Variants in PTPRS observed in about 807,000 individuals in gnomAD.
PTPRS encodes protein tyrosine phosphatase receptor type S, also known as receptor-type tyrosine-protein phosphatase S.
PTPRS carries 63 observed loss-of-function variants against 215.3 expected under a neutral mutation model. The observed-to-expected ratio is 0.29, with a 90% CI of 0.24 to 0.36. PTPRS has a LOEUF of 0.36. Ranked by LOEUF, PTPRS falls within the 10% of genes least tolerant of loss-of-function variation. PTPRS has a pLI of 1.00. For missense variants in PTPRS, 2,258 were observed against 2,825.8 expected (o/e 0.80, Z 4.56); for synonymous variants, 1,404 against 1,191.4 (o/e 1.18, Z -3.68).
At position 5,287,773 on chromosome 19, in the gene PTPRS, A is replaced by T. The variant is rs763889288; in HGVS notation, c.-94-1539T>A. Reference sequence around the variant, plus strand: ...CGGGATTCGGGGGGCCTCAGTGTACATAGTTAGGCCACAGGCATACAGTCA... The same window carrying T: ...CGGGATTCGGGGGGCCTCAGTGTACTTAGTTAGGCCACAGGCATACAGTCA... On this transcript the variant is annotated intron_variant, in intron 1 of 37. Transcript: ENST00000262963. This position sits in a 1 kb window ranked among gnomAD's most constrained non-coding sequence, Gnocchi z 4.8. Among the ~76,000 whole-genome samples, 1 of 152,152 alleles carries T rather than the reference A, an allele frequency of 6.6e-6. No individual in the cohort carries two copies. The highest frequency in any genetic ancestry group is 1.5e-5 in the Non-Finnish European group (1 of 68,016).
At chr19:5,267,676 T>G (rs1174507739) in intron 4 of PTPRS, among the ~76,000 whole-genome samples, 2 of 143,352 alleles carry the variant, frequency 1.4e-5, no homozygotes, top group Non-Finnish European at 3.1e-5. Flanking sequence ...AAAAAGAGAT[T>G]AGGAAACAGC....
intron 1 of PTPRS, among the ~76,000 whole-genome samples, chr19:5,288,646 C>G (rs2048559673): frequency 6.6e-6 from 1 of 152,192 alleles, no homozygotes; most frequent in Non-Finnish European, 1.5e-5. Flanking sequence ...CCACTTTGAG[C>G]AGCTGGGCAG....
chr19:5,318,127 C>T (rs1600112008), intron 1 of PTPRS, among the ~76,000 whole-genome samples: 2 of 150,374 alleles, frequency 1.3e-5, no homozygotes, highest in Middle Eastern at 3.4e-3. Context: ...GCCGAGATCA[C>T]GCCACTGCAC....
At chr19:5,280,667 G>A (rs927752868) in intron 2 of PTPRS, among the ~76,000 whole-genome samples, 3 of 152,112 alleles carry the variant, frequency 2.0e-5, no homozygotes, top group African/African-American at 7.2e-5. Context: ...GGTGCAGTGG[G>A]CTGACATCCT....
rs1171456105 is a variant in PTPRS, at chr19:5,293,722, T to C, written c.-94-7488A>G. On this transcript the variant is annotated intron_variant, in intron 1 of 37. Transcript: ENST00000262963. This position sits in a 1 kb window ranked among gnomAD's most constrained non-coding sequence, Gnocchi z 8.4. ...GGTGATGGGGGCGGGGGGCGTCCCC[T>C]CTTCCCCCTCTTAGACCAGAGGGTA... Among the ~76,000 whole-genome samples, 1 of 152,018 alleles carries C rather than the reference T, an allele frequency of 6.6e-6. No individual in the cohort carries two copies. The highest frequency in any genetic ancestry group is 2.4e-5 in the African/African-American group (1 of 41,412).
chr19:5,226,660 G>A (rs1163312627), intron 16 of PTPRS, among the ~76,000 whole-genome samples: 1 of 152,044 alleles, frequency 6.6e-6, no homozygotes, highest in African/African-American at 2.4e-5. Flanking sequence ...GAGGCAGGAG[G>A]ATCACTTGAA....
Position 5,244,141 on chromosome 19 carries a change from T to C in PTPRS, c.1330A>G (p.Ile444Val), listed in dbSNP as rs773187155. 6.2e-7 allele frequency: 1 copy of C among 1,604,000 alleles called. No individual in the cohort carries two copies. The highest frequency in any genetic ancestry group is 1.3e-5 in the African/African-American group (1 of 74,768). The change falls in exon 11 of 38, where the codon ATT (isoleucine) becomes GTT (valine). Residue 444 changes from isoleucine (I) to valine (V), a missense_variant. Ile to Val is a conservative substitution (Grantham distance 29, BLOSUM62 3). Transcript: ENST00000262963. This position sits in a 1 kb window ranked among gnomAD's most constrained non-coding sequence, Gnocchi z 7.2. Reference protein sequence around the residue: ...QARMLSATTMIVQWEEPVEPN... With the variant: ...QARMLSATTMVVQWEEPVEPN... ...TCCACCGGCTCCTCCCACTGCACAA[T>C]CATGGTGGTCGCGCTGAGCATCCGG...
At chr19:5,324,557 A>G (rs558171222) in intron 1 of PTPRS, among the ~76,000 whole-genome samples, 3 of 152,208 alleles carry the variant, frequency 2.0e-5, no homozygotes, top group South Asian at 4.2e-4. Flanking sequence ...AGGAGAGGAG[A>G]AGGAGGTAGT....
In PTPRS at chr19:5,205,579, T is replaced by G. The variant is rs1158544343; in HGVS notation, c.*1195A>C. ...GGGGTGGGAAAACCACCCGGCTGCT[T>G]CCGCTGGAATAAACAGTGTTGAAAG... On this transcript the variant is annotated 3_prime_UTR_variant, in exon 38 of 38. Transcript: ENST00000262963. Among the ~76,000 whole-genome samples the G allele has an allele frequency of 6.6e-6, 1 of 152,198 alleles. No individual in the cohort carries two copies. Among genetic ancestry groups the G allele is most frequent in the Non-Finnish European group, 1.5e-5 (1 of 68,042 alleles).
chr19:5,251,453 G>A (rs1419914249), intron 9 of PTPRS, among the ~76,000 whole-genome samples: 3 of 141,706 alleles, frequency 2.1e-5, no homozygotes, highest in Admixed American at 7.1e-5. Flanking sequence ...TTTGGTACCC[G>A]CTCTCTCTTT....
At position 5,238,816 on chromosome 19, in the gene PTPRS, C is replaced by G. The variant is rs372090278; in HGVS notation, c.1849+103G>C. On this transcript the variant is annotated intron_variant, in intron 13 of 37. Coordinates refer to ENST00000262963, the MANE Select transcript of PTPRS (RefSeq NM_002850.4). ...CGGAGACAGGCCGGGAGGCGCCCCC[C>G]ACCCACTGCAGCAGGCCCCGCCTGG... 5.7e-6 allele frequency: 8 copies of G among 1,410,560 alleles called. 1 individual carries two copies. In the East Asian group the frequency reaches 1.1e-4, roughly 19 times the overall value. The allele number at this position is 1,410,560 out of a possible 1,614,324, so 87.4% of individuals were successfully genotyped here.
At chr19:5,309,306 C>G (rs1268002910) in intron 1 of PTPRS, among the ~76,000 whole-genome samples, 1 of 152,196 alleles carries the variant, frequency 6.6e-6, no homozygotes, top group Non-Finnish European at 1.5e-5. Flanking sequence ...CCTTCCTGTC[C>G]TAACCTCTAG....
rs1555768299 is a variant in PTPRS at position 5,236,861 on chromosome 19, A to AC, written c.1849+2057_1849+2058insG. On this transcript the variant is annotated intron_variant, in intron 13 of 37. Transcript: ENST00000262963. ...CAGGGAGCAGGGGGAAAAAAAAAAA[A>AC]AAAACAACAATCAAGGAATGTGTCG... 9.1e-4 allele frequency among the ~76,000 whole-genome samples: 138 copies of AC among 151,690 alleles called. 1 individual carries two copies. The highest frequency in any genetic ancestry group is 7.4e-4 in the Non-Finnish European group (50 of 67,962).
Position 5,303,281 on chromosome 19 carries a change from C to G in PTPRS, c.-94-17047G>C, listed in dbSNP as rs73547778. Among the ~76,000 whole-genome samples the G allele has an allele frequency of 2.3e-3, 352 of 152,176 alleles. 2 individuals are homozygous for G. The highest frequency in any genetic ancestry group is 8.2e-3 in the African/African-American group (342 of 41,528). On this transcript the variant is annotated intron_variant, in intron 1 of 37. Transcript: ENST00000262963. ...TTGTGGGTCTGAAGTCTGTAAAGATCAAGGAAACCGAGGCACAAACCAGGG... is the reference window on the plus strand; with the variant it reads ...TTGTGGGTCTGAAGTCTGTAAAGATGAAGGAAACCGAGGCACAAACCAGGG...
chr19:5,241,104 G>A (rs1044666212), intron 11 of PTPRS, among the ~76,000 whole-genome samples: 1 of 151,478 alleles, frequency 6.6e-6, no homozygotes, highest in Non-Finnish European at 1.5e-5. Flanking sequence ...GGCCAGGCTG[G>A]TCTCAAACTC....
intron 23 of PTPRS, 23 bp from the exon 24 acceptor site, chr19:5,218,821 G>A (rs2041720512): frequency 6.3e-7 from 1 of 1,589,342 alleles, no homozygotes; most frequent in South Asian, 1.2e-5. Context: ...GCAGACACAG[G>A]TGAGAAGGGG....
chr19:5,215,257 G>C lies in PTPRS; in HGVS notation c.4318+32C>G, dbSNP rs1326695925. The C allele has an allele frequency of 1.9e-6, 3 of 1,610,644 alleles. No individual in the cohort carries two copies. The African/African-American group carries it at 4.0e-5, about 22-fold the overall frequency. The stretch of plus-strand genomic sequence containing the variant: ...CTAGCACTTTCCATGCAGTGGGGAA[G>C]GGCAGGTTAAGACCCGGGATCTCCG... On this transcript the variant is annotated intron_variant, in intron 28 of 37. Transcript: ENST00000262963.
At chr19:5,242,543 T>TA (rs2044133097) in intron 11 of PTPRS, among the ~76,000 whole-genome samples, 1 of 78,358 alleles carries the variant, frequency 1.3e-5, no homozygotes, top group Admixed American at 1.3e-4. Flanking sequence ...AATTTTTGTA[T>TA]TTTTTTTTTT....
intron 9 of PTPRS, among the ~76,000 whole-genome samples, chr19:5,247,886 G>A (rs904249607): frequency 2.0e-5 from 3 of 151,850 alleles, no homozygotes; most frequent in East Asian, 1.9e-4. Context: ...GCAGCCCTTC[G>A]GAAAAAGAAG....
Sources: allele counts gnomAD v4.1 joint callset (sites outside exome capture counted in the v4.1 genomes callset), GRCh38; gene constraint gnomAD v4.1.1; non-coding constraint Gnocchi (gnomAD v3.1); transcripts MANE v1.5; gene names NCBI Gene and HGNC (gene_info 2026-07-23, HGNC 2026-07-21).